Variants in NOSTRIN observed in about 807,000 individuals in gnomAD.
NOSTRIN encodes the protein BM247 homolog.
Under a neutral mutation model 59.0 loss-of-function variants are expected in NOSTRIN, and 63 were observed. The observed-to-expected ratio is 1.07, with a 90% confidence interval of 0.87 to 1.32. NOSTRIN has a LOEUF of 1.32. Among genes scored for constraint, NOSTRIN ranks in the 40% most tolerant of loss-of-function variants. The pLI is 0.00. For missense variants in NOSTRIN, 512 were observed against 473.1 expected (o/e 1.08, Z -0.76); for synonymous variants, 200 against 165.4 (o/e 1.21, Z -1.61).
Position 168,835,927 on chromosome 2 carries a change from T to C in NOSTRIN, c.504+1602T>C, listed in dbSNP as rs115074387. 3.8e-3 allele frequency among the ~76,000 whole-genome samples: 579 copies of C among 152,362 alleles called. 6 individuals are homozygous for C. Among genetic ancestry groups the C allele is most frequent in the African/African-American group, 0.013 (534 of 41,582 alleles). The stretch of plus-strand genomic sequence containing the variant: ...ATTATCTTGCACCCCTCTTGTGGTA[T>C]GTGTCCCAGATTGAAAACCTTTGAA... On this transcript the variant is annotated intron_variant, in intron 7 of 15. Transcript: ENST00000317647.
chr2:168,863,610 T>A (rs1014882480), intron 15 of NOSTRIN: 150 of 985,182 alleles, frequency 1.5e-4, no homozygotes, highest in Non-Finnish European at 1.7e-4. Flanking sequence ...ATTAAAGTTG[T>A]CTAAGTTGTT....
intron 7 of NOSTRIN, among the ~76,000 whole-genome samples, chr2:168,837,586 G>A (rs573619859): frequency 1.3e-3 from 198 of 152,200 alleles, no homozygotes; most frequent in Middle Eastern, 6.8e-3. Flanking sequence ...TGGGATTACA[G>A]GCGTGAGCCA....
At chr2:168,851,504 A>C in intron 10 of NOSTRIN, 100 bp downstream of exon 10, 1 of 1,479,736 alleles carries the variant, frequency 6.8e-7, no homozygotes, top group Non-Finnish European at 9.0e-7. Context: ...TGTTTTATCA[A>C]TGAAAATGAT....
chr2:168,788,765 T>C (rs544112157), intron 2 of NOSTRIN, among the ~76,000 whole-genome samples: 3 of 152,296 alleles, frequency 2.0e-5, no homozygotes, highest in African/African-American at 7.2e-5. Context: ...AACTTAGTAG[T>C]ATTGGATTAA....
At position 168,865,020 on chromosome 2, in the gene NOSTRIN, T is replaced by G; in HGVS notation, c.*50T>G. On this transcript the variant is annotated 3_prime_UTR_variant, in exon 16 of 16. Coordinates refer to ENST00000317647, the MANE Select transcript of NOSTRIN (RefSeq NM_001039724.4). Reference sequence around the variant, plus strand: ...TCACACTCGGTAATCAACAATACAGTGTGGTTCAAATAAGAATAAAGTGCT... The same window carrying G: ...TCACACTCGGTAATCAACAATACAGGGTGGTTCAAATAAGAATAAAGTGCT... The G allele has an allele frequency of 6.3e-7, 1 of 1,591,604 alleles. No individual in the cohort carries two copies. Among genetic ancestry groups the G allele is most frequent in the Non-Finnish European group, 8.6e-7 (1 of 1,168,132 alleles).
At chr2:168,853,961 G>A (rs1388370641) in intron 10 of NOSTRIN, among the ~76,000 whole-genome samples, 2 of 152,132 alleles carry the variant, frequency 1.3e-5, no homozygotes, top group Non-Finnish European at 1.5e-5. Context: ...TCTGCCTCCC[G>A]GGTCCAAGTG....
At chr2:168,829,419 C>A (rs1430892275) in intron 5 of NOSTRIN, among the ~76,000 whole-genome samples, 1 of 152,072 alleles carries the variant, frequency 6.6e-6, no homozygotes, top group African/African-American at 2.4e-5. Context: ...CTCCTGGGTT[C>A]AAGTGACTTG....
chr2:168,864,389 G>A (rs2105809307), intron 15 of NOSTRIN, among the ~76,000 whole-genome samples: 1 of 151,650 alleles, frequency 6.6e-6, no homozygotes, highest in South Asian at 2.1e-4. Context: ...CGGGTTCAAG[G>A]ATTCTCCTGC....
intron 2 of NOSTRIN, among the ~76,000 whole-genome samples, chr2:168,813,062 G>C (rs891455967): frequency 6.6e-6 from 1 of 152,162 alleles, no homozygotes; most frequent in African/African-American, 2.4e-5. Flanking sequence ...AATTGCTCTG[G>C]TTCCATGACA....
At position 168,814,022 on chromosome 2, in the gene NOSTRIN, T is replaced by C. The variant is rs74607845; in HGVS notation, c.113+2370T>C. Among the ~76,000 whole-genome samples the C allele has an allele frequency of 2.2e-4, 33 of 152,340 alleles. No individual in the cohort carries two copies. In the East Asian group the frequency reaches 4.2e-3, roughly 20 times the overall value. On this transcript the variant is annotated intron_variant, in intron 2 of 15. Coordinates refer to ENST00000317647, the MANE Select transcript of NOSTRIN (RefSeq NM_001039724.4). ...CTTGCTCAGCTTTTAGATCATGTAG[T>C]TAACCTGAAGGATGCTTGTCCACAC...
intron 12 of NOSTRIN, 54 bp downstream of exon 12, chr2:168,856,832 T>C: frequency 3.9e-6 from 6 of 1,534,424 alleles, no homozygotes; most frequent in Non-Finnish European, 5.4e-6. Context: ...GGGTTATTTT[T>C]AGAATACTTG....
chr2:168,811,552 G>T lies in NOSTRIN; in HGVS notation c.28-15G>T, dbSNP rs1477926216. ...TCCTGTTCATTGTTTTTTTGTTATT[G>T]TTCTTGTTTTTCAGTATAATAAAGT... On this transcript the variant is annotated splice_polypyrimidine_tract_variant and intron_variant, in intron 1 of 15. Coordinates refer to ENST00000317647, the MANE Select transcript of NOSTRIN (RefSeq NM_001039724.4). The T allele has an allele frequency of 1.3e-5, 10 of 789,896 alleles. No individual in the cohort carries two copies. The Admixed American group carries it at 1.4e-4, about 11-fold the overall frequency. 48.9% of individuals were successfully genotyped at this position (789,896 alleles called of 1,614,324 possible).
intron 10 of NOSTRIN, among the ~76,000 whole-genome samples, chr2:168,854,865 A>G (rs1688982416): frequency 6.6e-6 from 1 of 152,170 alleles, no homozygotes; most frequent in South Asian, 2.1e-4. Flanking sequence ...TCATAAACCC[A>G]TTCTGGAAAG....
At chr2:168,860,442 A>G (rs563642872) in intron 13 of NOSTRIN, among the ~76,000 whole-genome samples, 4 of 152,328 alleles carry the variant, frequency 2.6e-5, no homozygotes, top group African/African-American at 9.6e-5. Context: ...AGGCCAAGGC[A>G]GGCGGATCAC....
intron 15 of NOSTRIN, chr2:168,863,422 A>C (rs931230438): frequency 1.1e-5 from 11 of 984,950 alleles, no homozygotes; most frequent in Middle Eastern, 5.2e-4. Context: ...CTGAAAAATC[A>C]CCTCAGAATG....
At chr2:168,862,688 A>C (rs767427453) in intron 15 of NOSTRIN, among the ~76,000 whole-genome samples, 83 of 152,334 alleles carry the variant, frequency 5.4e-4, no homozygotes, top group Admixed American at 2.3e-3. Flanking sequence ...TAACATGGAA[A>C]GGTATTACGT....
At chr2:168,835,503 T>A (rs917016302) in intron 7 of NOSTRIN, among the ~76,000 whole-genome samples, 1 of 152,230 alleles carries the variant, frequency 6.6e-6, no homozygotes, top group African/African-American at 2.4e-5. Flanking sequence ...CTTGGACATT[T>A]TGCTGTGGAT....
At chr2:168,864,645 T>A (rs1297153269) in intron 15 of NOSTRIN, among the ~76,000 whole-genome samples, 189 bp from the exon 16 acceptor site, 1 of 152,202 alleles carries the variant, frequency 6.6e-6, no homozygotes, top group African/African-American at 2.4e-5. Flanking sequence ...CTTACTCTTT[T>A]TAGTATCCTC....
Position 168,851,401 on chromosome 2 carries a change from C to G in NOSTRIN, c.852C>G (p.Tyr284Ter). Residue 284 changes from tyrosine to a stop codon, truncating the protein, a stop_gained, in exon 10 of 16, where the codon TAC becomes TAG. Coordinates refer to ENST00000317647, the MANE Select transcript of NOSTRIN (RefSeq NM_001039724.4). LOFTEE classifies it high-confidence loss of function. ...AATCTGAGTTCCTGTTAACGGATTA[C>G]TTTGTGAGTATGAAATGGAAAAAAA... Reference protein sequence around the residue: ...ENKSEFLLTDYFEEDPNSAMD... With the variant: ...ENKSEFLLTD 1 of 1,605,960 alleles carries G rather than the reference C, an allele frequency of 6.2e-7. No individual in the cohort carries two copies. The highest frequency in any genetic ancestry group is 1.1e-5 in the South Asian group (1 of 88,828).
Sources: allele counts gnomAD v4.1 joint callset (sites outside exome capture counted in the v4.1 genomes callset), GRCh38; gene constraint gnomAD v4.1.1; transcripts MANE v1.5; gene names NCBI Gene and HGNC (gene_info 2026-07-23, HGNC 2026-07-21).